KAT6B: variants seen among roughly 807,000 people sequenced by gnomAD.
The protein encoded by KAT6B is histone acetyltransferase KAT6B.
A neutral mutation model predicts 187.5 loss-of-function variants in KAT6B; 10 were observed. The observed-to-expected ratio is 0.05, with a 90% CI of 0.03 to 0.09. The LOEUF is 0.09. Ranked by LOEUF, KAT6B falls within the 10% of genes least tolerant of loss-of-function variation. KAT6B has a pLI of 1.00. For missense variants in KAT6B, 1,952 were observed against 2,558.9 expected (o/e 0.76, Z 5.12); for synonymous variants, 861 against 926.8 (o/e 0.93, Z 1.29).
chr10:75,011,047 A>G (rs1354826724), intron 13 of KAT6B, among the ~76,000 whole-genome samples: 1 of 152,210 alleles, frequency 6.6e-6, no homozygotes. Context: ...TAACTTAGAC[A>G]TGAAAATTTT....
At chr10:74,831,508 A>G (rs1444107965) in intron 1 of KAT6B, among the ~76,000 whole-genome samples, 1 of 152,158 alleles carries the variant, frequency 6.6e-6, no homozygotes, top group Non-Finnish European at 1.5e-5. Context: ...TCACCATTAC[A>G]ATCTATTTTT....
intron 12 of KAT6B, among the ~76,000 whole-genome samples, chr10:74,986,597 T>C (rs1476272409): frequency 6.6e-6 from 1 of 152,362 alleles, no homozygotes; most frequent in East Asian, 1.9e-4. Context: ...CTCAGTGTTT[T>C]AATCCACATA....
intron 13 of KAT6B, among the ~76,000 whole-genome samples, chr10:74,993,027 G>A (rs896476072): frequency 5.9e-5 from 9 of 152,154 alleles, no homozygotes; most frequent in Admixed American, 5.2e-4. Flanking sequence ...ATCTCTGTCT[G>A]TAAAGTCTTT....
intron 3 of KAT6B, among the ~76,000 whole-genome samples, chr10:74,910,612 TTC>T (rs1847133058): frequency 6.9e-6 from 1 of 144,266 alleles, no homozygotes; most frequent in African/African-American, 2.9e-5. Context: ...TTCACATTTT[TTC>T]TTTTTTTTTT....
Position 74,842,938 on chromosome 10 carries a change from C to G in KAT6B, c.81C>G (p.Pro27=), listed in dbSNP as rs1451572143. The change falls in exon 3 of 18, where the codon CCC becomes CCG. Residue 27 remains proline, a synonymous_variant. Transcript: ENST00000287239. The part of the protein sequence containing the change: ...IQKIKKQKQR[P]SEERICHAVS... The stretch of plus-strand genomic sequence containing the variant: ...AAATAAAAAAGCAAAAGCAAAGGCC[C>G]TCTGAAGAGAGAATCTGCCATGCGG... 1 of 1,614,186 alleles carries G rather than the reference C, an allele frequency of 6.2e-7. No homozygotes were observed. Among genetic ancestry groups the G allele is most frequent in the Admixed American group, 1.7e-5 (1 of 60,018 alleles).
intron 3 of KAT6B, among the ~76,000 whole-genome samples, chr10:74,922,631 T>C (rs1848217913): frequency 6.6e-6 from 1 of 152,238 alleles, no homozygotes; most frequent in African/African-American, 2.4e-5. Context: ...CTTCATGATA[T>C]ATTTTGAGTC....
At chr10:74,827,083 C>T (rs1236666549) in intron 1 of KAT6B, 2 of 139,816 alleles carry the variant, frequency 1.4e-5, no homozygotes, top group Admixed American at 7.1e-5. Context: ...AAGGCGGGGG[C>T]TGAGAGGGAA....
Position 74,991,782 on chromosome 10 carries a change from G to A in KAT6B, c.2629+2670G>A, listed in dbSNP as rs539149929. 3.9e-5 allele frequency among the ~76,000 whole-genome samples: 6 copies of A among 152,146 alleles called. No individual in the cohort carries two copies. In the South Asian group the frequency reaches 1.0e-3, roughly 26 times the overall value. ...GAATTTTATAGCACTCAAAGAAAATGGGAACTGGTGTAAACCCAATAGAAA... is the reference window on the plus strand; with the variant it reads ...GAATTTTATAGCACTCAAAGAAAATAGGAACTGGTGTAAACCCAATAGAAA... On this transcript the variant is annotated intron_variant, in intron 13 of 17. Coordinates refer to ENST00000287239, the MANE Select transcript of KAT6B (RefSeq NM_012330.4).
chr10:74,987,934 T>C (rs971396146), intron 12 of KAT6B, among the ~76,000 whole-genome samples: 2 of 152,234 alleles, frequency 1.3e-5, no homozygotes, highest in Non-Finnish European at 2.9e-5. Context: ...GGACAATTCA[T>C]CTTCTTAGAA....
intron 3 of KAT6B, among the ~76,000 whole-genome samples, chr10:74,859,688 T>C (rs1237743010): frequency 6.6e-6 from 1 of 152,224 alleles, no homozygotes; most frequent in Non-Finnish European, 1.5e-5. Context: ...TTTCTAGAGC[T>C]GATAAAAAAG....
intron 3 of KAT6B, among the ~76,000 whole-genome samples, chr10:74,877,345 T>G (rs1271939893): frequency 6.6e-6 from 1 of 152,176 alleles, no homozygotes; most frequent in Admixed American, 6.5e-5. Context: ...TCAAAATAAT[T>G]TAGGAAAAGG....
chr10:74,977,217 A>G (rs1409690718), intron 8 of KAT6B, 99 bp from the exon 9 acceptor site: 4 of 1,306,572 alleles, frequency 3.1e-6, no homozygotes, highest in Middle Eastern at 1.9e-4. Context: ...AAAAATCCCT[A>G]TTTGCCCAGT....
At chr10:74,869,438 G>A (rs1467321920) in intron 3 of KAT6B, among the ~76,000 whole-genome samples, 3 of 151,880 alleles carry the variant, frequency 2.0e-5, no homozygotes, top group African/African-American at 7.3e-5. Context: ...GCTGGGATTG[G>A]CCATGCCTGG....
chr10:74,833,134 CAA>C (rs905808106), intron 1 of KAT6B, among the ~76,000 whole-genome samples: 14 of 52,292 alleles, frequency 2.7e-4, no homozygotes, highest in Admixed American at 4.3e-4. Flanking sequence ...GACTCTGTCT[CAA>C]AAAAAAAAAA....
At position 74,985,234 on chromosome 10, in the gene KAT6B, T is replaced by A. The variant is rs1185615064; in HGVS notation, c.2528T>A (p.Phe843Tyr). The A allele has an allele frequency of 8.1e-6, 13 of 1,613,976 alleles. No individual in the cohort carries two copies. Among genetic ancestry groups the A allele is most frequent in the Non-Finnish European group, 1.0e-5 (12 of 1,179,976 alleles). The part of the protein sequence containing the change: ...DEKGCHLVGY[F>Y]SKEKLCQQKY... ...AAGGGCTGTCATCTGGTTGGATACT[T>A]CTCTAAGGTAAAACAAGAGCCAGCA... The change falls in exon 12 of 18, where the codon TTC becomes TAC. Residue 843 changes from phenylalanine to tyrosine, a missense_variant. Phe to Tyr is a conservative substitution (Grantham distance 22). Transcript: ENST00000287239.
At chr10:74,926,652 A>G (rs1056514446) in intron 3 of KAT6B, among the ~76,000 whole-genome samples, 8 of 152,360 alleles carry the variant, frequency 5.3e-5, no homozygotes, top group Non-Finnish European at 2.9e-5. Context: ...CTTTAAGACC[A>G]GTCTAAATGC....
intron 13 of KAT6B, among the ~76,000 whole-genome samples, chr10:75,011,576 A>G (rs1173620049): frequency 6.6e-6 from 1 of 152,146 alleles, no homozygotes; most frequent in African/African-American, 2.4e-5. Context: ...GCCTTCCCCA[A>G]TTTTAGTTTG....
At chr10:74,840,819 G>T (rs1052252342) in intron 2 of KAT6B, among the ~76,000 whole-genome samples, 5 of 152,136 alleles carry the variant, frequency 3.3e-5, no homozygotes, top group Non-Finnish European at 7.3e-5. Flanking sequence ...AAACTGTACT[G>T]TTTGAACAAG....
At chr10:75,027,985 A>G (rs1447449077) in intron 17 of KAT6B, among the ~76,000 whole-genome samples, 1 of 152,238 alleles carries the variant, frequency 6.6e-6, no homozygotes, top group Admixed American at 6.5e-5. Context: ...CATTCAAATC[A>G]AAGTAAATAA....
Sources: gnomAD v4.1 joint callset for allele counts (sites outside exome capture counted in the v4.1 genomes callset) on GRCh38, gnomAD v4.1.1 for gene constraint, MANE v1.5 for transcripts, NCBI Gene and HGNC (gene_info 2026-07-23, HGNC 2026-07-21) for gene names.